DGKB: variants seen among roughly 807,000 people sequenced by gnomAD.
DGKB encodes 90 kDa diacylglycerol kinase.
A neutral mutation model predicts 114.3 loss-of-function variants in DGKB; 67 were observed. That is an observed-to-expected ratio of 0.59 (90% CI 0.48 to 0.72). The LOEUF is 0.72. Ranked by LOEUF, DGKB falls within the 30% of genes least tolerant of loss-of-function variation. DGKB has a pLI of 0.00. For synonymous variants in DGKB, 398 were observed against 323.1 expected, an observed-to-expected ratio of 1.23 and a Z score of -2.49; for missense variants, 907 against 975.2, an observed-to-expected ratio of 0.93 and a Z score of 0.93.
intron 20 of DGKB, among the ~76,000 whole-genome samples, chr7:14,519,195 T>G (rs1182473358): frequency 6.6e-6 from 1 of 152,090 alleles, no homozygotes; most frequent in African/African-American, 2.4e-5. Context: ...AAAATTCCAT[T>G]TTAGAGCTAA....
intron 8 of DGKB, among the ~76,000 whole-genome samples, chr7:14,696,735 A>G (rs1444592514): frequency 1.3e-5 from 2 of 152,170 alleles, no homozygotes; most frequent in African/African-American, 4.8e-5. Flanking sequence ...TAAATTAAAT[A>G]CATGTTACCA....
intron 1 of DGKB, among the ~76,000 whole-genome samples, chr7:14,895,334 C>T (rs1336752157): frequency 3.3e-5 from 5 of 151,568 alleles, no homozygotes; most frequent in South Asian, 4.2e-4. Flanking sequence ...CTACTCACTG[C>T]CACCTGTTAT....
At chr7:14,821,160 A>G (rs1040177246) in intron 2 of DGKB, among the ~76,000 whole-genome samples, 2 of 152,156 alleles carry the variant, frequency 1.3e-5, no homozygotes, top group African/African-American at 4.8e-5. Context: ...TTTGTATCGA[A>G]GCATCTTTTA....
intron 23 of DGKB, among the ~76,000 whole-genome samples, chr7:14,285,038 A>G (rs893400154): frequency 4.6e-4 from 70 of 152,170 alleles, no homozygotes; most frequent in African/African-American, 1.6e-3. Context: ...AATAATAAAA[A>G]AAAGAAATGT....
intron 23 of DGKB, among the ~76,000 whole-genome samples, chr7:14,200,746 A>G (rs1184097522): frequency 6.6e-6 from 1 of 152,022 alleles, no homozygotes; most frequent in Non-Finnish European, 1.5e-5. Flanking sequence ...TAAGAGCACT[A>G]ACATGTAAAA....
At chr7:14,769,546 A>C (rs1480362667) in intron 2 of DGKB, among the ~76,000 whole-genome samples, 1 of 151,990 alleles carries the variant, frequency 6.6e-6, no homozygotes, top group Non-Finnish European at 1.5e-5. Context: ...AACTGCCAAG[A>C]ACATCAAACA....
chr7:14,868,166 T>A (rs150647288), intron 1 of DGKB, among the ~76,000 whole-genome samples: 33 of 152,224 alleles, frequency 2.2e-4, no homozygotes, highest in African/African-American at 7.2e-4. Context: ...GGTCAGTCTT[T>A]CACTGACAAT....
chr7:14,745,195 A>T lies in DGKB; in HGVS notation c.168+8733T>A, dbSNP rs571520280. On this transcript the variant is annotated intron_variant, in intron 4 of 25. Transcript: ENST00000402815. ...GTTTGGTTTTAATATATGTCTTCTAATAACTCCGTTTGTCTCTTCTCACCT... is the reference window on the plus strand; with the variant it reads ...GTTTGGTTTTAATATATGTCTTCTATTAACTCCGTTTGTCTCTTCTCACCT... Among the ~76,000 whole-genome samples the T allele has an allele frequency of 2.0e-5, 3 of 152,304 alleles. No homozygotes were observed. In the South Asian group the frequency reaches 6.2e-4, roughly 32 times the overall value.
intron 23 of DGKB, chr7:14,191,586 G>A (rs992575389): frequency 6.3e-5 from 15 of 238,934 alleles, no homozygotes; most frequent in African/African-American, 1.6e-4. Context: ...TGTGTTCTGA[G>A]TGGTGACTGG....
chr7:14,946,386 A>G (rs1045683614), intron 1 of DGKB, among the ~76,000 whole-genome samples: 1 of 151,680 alleles, frequency 6.6e-6, no homozygotes, highest in Non-Finnish European at 1.5e-5. Context: ...CCAAACTCCC[A>G]TTTGTTTTTA....
At chr7:14,973,879 A>C (rs1268957935) in intron 1 of DGKB, among the ~76,000 whole-genome samples, 1 of 148,304 alleles carries the variant, frequency 6.7e-6, no homozygotes, top group Non-Finnish European at 1.5e-5. Context: ...AATTTAAGAT[A>C]CTTAAATTTA....
intron 9 of DGKB, among the ~76,000 whole-genome samples, chr7:14,688,023 T>A (rs1230448640): frequency 6.6e-6 from 1 of 152,226 alleles, no homozygotes; most frequent in Non-Finnish European, 1.5e-5. Flanking sequence ...GGATGAAATA[T>A]GTATGTGACT....
At chr7:14,276,878 A>G (rs1799087834) in intron 23 of DGKB, among the ~76,000 whole-genome samples, 1 of 151,956 alleles carries the variant, frequency 6.6e-6, no homozygotes, top group Non-Finnish European at 1.5e-5. Flanking sequence ...TTCTTTTTAA[A>G]GAAAAATTAT....
intron 25 of DGKB, among the ~76,000 whole-genome samples, chr7:14,173,320 C>CT (rs1584241986): frequency 6.6e-6 from 1 of 152,024 alleles, no homozygotes; most frequent in Admixed American, 6.6e-5. Flanking sequence ...CTATTAGTGA[C>CT]TTTTTTATTG....
At chr7:14,800,159 G>A (rs140245206) in intron 2 of DGKB, among the ~76,000 whole-genome samples, 181 of 152,170 alleles carry the variant, frequency 1.2e-3, no homozygotes, top group African/African-American at 4.0e-3. Context: ...CTCATGATCC[G>A]CCCACCTCGG....
At chr7:14,688,395 T>C (rs1452144012) in intron 9 of DGKB, among the ~76,000 whole-genome samples, 1 of 152,166 alleles carries the variant, frequency 6.6e-6, no homozygotes, top group Non-Finnish European at 1.5e-5. Context: ...CCCACTTCCC[T>C]TTTCCAGGCC....
chr7:14,671,027 G>T (rs897783776), intron 13 of DGKB, among the ~76,000 whole-genome samples: 7 of 152,056 alleles, frequency 4.6e-5, no homozygotes, highest in African/African-American at 1.7e-4. Flanking sequence ...ATAATATATC[G>T]GGTATATGCA....
chr7:14,374,615 A>G (rs1274966970), intron 21 of DGKB, among the ~76,000 whole-genome samples: 1 of 152,192 alleles, frequency 6.6e-6, no homozygotes, highest in Admixed American at 6.5e-5. Context: ...TACATGATCT[A>G]AATTCTGCCT....
intron 23 of DGKB, among the ~76,000 whole-genome samples, chr7:14,333,331 G>T (rs913080836): frequency 1.3e-5 from 2 of 151,752 alleles, no homozygotes; most frequent in African/African-American, 4.8e-5. Flanking sequence ...CATGGTGGCG[G>T]GTGCCTGCAG....
Sources: gnomAD v4.1 joint callset for allele counts (sites outside exome capture counted in the v4.1 genomes callset) on GRCh38, gnomAD v4.1.1 for gene constraint, MANE v1.5 for transcripts, NCBI Gene and HGNC (gene_info 2026-07-23, HGNC 2026-07-21) for gene names.